The following DOLPP1 variants were observed in gnomAD, a reference collection of about 807,000 sequenced individuals.
The protein encoded by DOLPP1 is dolichyldiphosphatase 1.
A neutral mutation model predicts 34.1 loss-of-function variants in DOLPP1; 15 were observed. The observed-to-expected ratio is 0.44, with a 90% CI of 0.29 to 0.68. DOLPP1 has a LOEUF of 0.68. DOLPP1 is among the 30% of genes least tolerant of loss of function. The pLI, the probability that DOLPP1 is intolerant of heterozygous loss-of-function variation, is 0.12. For synonymous variants in DOLPP1, 130 were observed against 128.2 expected (o/e 1.01, Z -0.10); for missense variants, 249 against 307.1 (o/e 0.81, Z 1.41).
intron 7 of DOLPP1, among the ~76,000 whole-genome samples, chr9:129,088,746 G>A (rs1234416900): frequency 6.6e-6 from 1 of 152,162 alleles, no homozygotes; most frequent in African/African-American, 2.4e-5. Context: ...TCCACTTCTG[G>A]GATTGCAGAG....
chr9:129,087,585 G>A (rs1486050660), intron 7 of DOLPP1, among the ~76,000 whole-genome samples: 1 of 152,114 alleles, frequency 6.6e-6, no homozygotes, highest in East Asian at 1.9e-4. Context: ...CAAAGTGCTG[G>A]GATTACAGGT....
Position 129,084,687 on chromosome 9 carries a change from C to T in DOLPP1, c.96C>T (p.Leu32=), listed in dbSNP as rs1380832776. 6.2e-7 allele frequency: 1 copy of T among 1,613,524 alleles called. No individual in the cohort carries two copies. Among genetic ancestry groups the T allele is most frequent in the Admixed American group, 1.7e-5 (1 of 60,010 alleles). Residue 32 remains leucine (L), a synonymous_variant, in exon 2 of 8, where the codon CTC becomes CTT. Coordinates refer to ENST00000372546, the MANE Select transcript of DOLPP1 (RefSeq NM_020438.5). ...TGCCAGGTGATCTCTCTGGCCACCT[C>T]CTTGCCTACCTGAGCCTCAGCCCTG... ...EYPAGDLSGH[L]LAYLSLSPVF...
At position 129,085,674 on chromosome 9, in the gene DOLPP1, C is replaced by T; in HGVS notation, c.461+58C>T. The T allele has an allele frequency of 6.9e-7, 1 of 1,446,854 alleles. No individual in the cohort carries two copies. The highest frequency in any genetic ancestry group is 9.5e-7 in the Non-Finnish European group (1 of 1,051,602). The allele number at this position is 1,446,854 out of a possible 1,614,324, so 89.6% of individuals were successfully genotyped here. On this transcript the variant is annotated intron_variant, in intron 5 of 7. Coordinates refer to ENST00000372546, the MANE Select transcript of DOLPP1 (RefSeq NM_020438.5). The surrounding 1 kb of genome is among the most constrained non-coding windows in gnomAD (Gnocchi z 7.0). ...TGCCCATGTGGGGTCCTGCTGGTTC[C>T]TGGTCCCTGTCGGACCCCACCATGG...
In DOLPP1 at chr9:129,085,005, A is replaced by G. The variant is rs1199996671; in HGVS notation, c.178-18A>G. 6.4e-6 allele frequency: 10 copies of G among 1,552,998 alleles called. No homozygotes were observed. The East Asian group carries it at 1.8e-4, about 28-fold the overall frequency. ...CAGGTGCACAGAGGCCCAGCTGACC[A>G]TGCGTCTTCCCCAGCAGATCTCCTT... On this transcript the variant is annotated intron_variant, in intron 2 of 7. Transcript: ENST00000372546. The surrounding 1 kb of genome is among the most constrained non-coding windows in gnomAD (Gnocchi z 7.0).
In DOLPP1 at chr9:129,085,353, A is replaced by G. The variant is rs1267949038; in HGVS notation, c.362+47A>G. On this transcript the variant is annotated intron_variant, in intron 4 of 7. Coordinates refer to ENST00000372546, the MANE Select transcript of DOLPP1 (RefSeq NM_020438.5). This position sits in a 1 kb window ranked among gnomAD's most constrained non-coding sequence, Gnocchi z 7.0. ...GATGGCCCTGAACTTGCTCAGGCCG[A>G]GTTCTGCTAGGGACTCACTGCTAGC... 1 of 1,577,524 alleles carries G rather than the reference A, an allele frequency of 6.3e-7. No homozygotes were observed. The highest frequency in any genetic ancestry group is 1.1e-5 in the South Asian group (1 of 90,218).
chr9:129,088,974 C>T lies in DOLPP1; in HGVS notation c.684C>T (p.Asn228=). 2 of 1,613,856 alleles carry T rather than the reference C, an allele frequency of 1.2e-6. No individual in the cohort carries two copies. Among genetic ancestry groups the T allele is most frequent in the Non-Finnish European group, 1.7e-6 (2 of 1,179,956 alleles). The change falls in exon 8 of 8, where the codon AAC becomes AAT. Residue 228 remains asparagine (N), a synonymous_variant. Transcript: ENST00000372546. ...EYTVTRAEAR[N]RQRKLGTKLQ is the part of the protein sequence containing the mutation. ...TGACCCCCATCCTGTTTTGCAGGAA[C>T]AGACAACGCAAGCTGGGGACGAAAC...
chr9:129,082,963 C>T (rs1007627114), intron 1 of DOLPP1, among the ~76,000 whole-genome samples: 1 of 151,912 alleles, frequency 6.6e-6, no homozygotes, highest in East Asian at 1.9e-4. Flanking sequence ...TTTTTTTTGC[C>T]ACTGTGGTGG....
At chr9:129,084,060 G>A (rs910197706) in intron 1 of DOLPP1, among the ~76,000 whole-genome samples, 4 of 152,376 alleles carry the variant, frequency 2.6e-5, no homozygotes, top group Admixed American at 6.5e-5. Flanking sequence ...GAAGTGGCGC[G>A]CAGCTGTTAC....
chr9:129,088,965 T>C lies in DOLPP1; in HGVS notation c.681-6T>C. ...CTCCACATCTGACCCCCATCCTGTT[T>C]TGCAGGAACAGACAACGCAAGCTGG... On this transcript the variant is annotated splice_polypyrimidine_tract_variant and splice_region_variant and intron_variant, in intron 7 of 7. Coordinates refer to ENST00000372546, the MANE Select transcript of DOLPP1 (RefSeq NM_020438.5). 2 of 1,613,740 alleles carry C rather than the reference T, an allele frequency of 1.2e-6. No homozygotes were observed. The highest frequency in any genetic ancestry group is 1.7e-6 in the Non-Finnish European group (2 of 1,179,914).
At chr9:129,087,338 C>T (rs557147037) in intron 7 of DOLPP1, among the ~76,000 whole-genome samples, 11 of 131,814 alleles carry the variant, frequency 8.3e-5, no homozygotes, top group East Asian at 4.5e-4. Context: ...TTTTTTGAGA[C>T]GGAGTCTCGC....
In DOLPP1 at chr9:129,087,378, C is replaced by T. The variant is rs1220899348; in HGVS notation, c.680+580C>T. Among the ~76,000 whole-genome samples the T allele has an allele frequency of 1.1e-4, 17 of 149,694 alleles. No individual in the cohort carries two copies. The East Asian group carries it at 1.2e-3, about 10-fold the overall frequency. On this transcript the variant is annotated intron_variant, in intron 7 of 7. Coordinates refer to ENST00000372546, the MANE Select transcript of DOLPP1 (RefSeq NM_020438.5). ...TCGCCCAGGCTGGAGTGCAGTGGCGCGATCTCGGCTCACTGCAACCTCTGC... is the reference window on the plus strand; with the variant it reads ...TCGCCCAGGCTGGAGTGCAGTGGCGTGATCTCGGCTCACTGCAACCTCTGC...
In DOLPP1 at chr9:129,089,809, T is replaced by A. The variant is rs187426365; in HGVS notation, c.*802T>A. 2.6e-4 allele frequency: 39 copies of A among 152,724 alleles called. No homozygotes were observed. The highest frequency in any genetic ancestry group is 2.1e-4 in the Non-Finnish European group (14 of 68,032). The allele number at this position is 152,724 out of a possible 1,614,324, so 9.5% of individuals were successfully genotyped here. Reference sequence around the variant, plus strand: ...AGCTCTTTCTTGTCCTGCCATCCAGTAGCAGTTAGTCTTCATCCCCACGTG... The same window carrying A: ...AGCTCTTTCTTGTCCTGCCATCCAGAAGCAGTTAGTCTTCATCCCCACGTG... On this transcript the variant is annotated 3_prime_UTR_variant, in exon 8 of 8. Transcript: ENST00000372546. The surrounding 1 kb of genome is among the most constrained non-coding windows in gnomAD (Gnocchi z 4.9).
At chr9:129,083,692 C>T (rs1846931628) in intron 1 of DOLPP1, among the ~76,000 whole-genome samples, 1 of 152,184 alleles carries the variant, frequency 6.6e-6, no homozygotes, top group South Asian at 2.1e-4. Flanking sequence ...TTGCCAGGGA[C>T]CAAGCTGGGT....
Position 129,086,711 on chromosome 9 carries a change from C to T in DOLPP1, c.593C>T (p.Pro198Leu). ...TPLFPRIAAWPVSEFFLIRDT... is the reference protein window; with the variant it reads ...TPLFPRIAAWLVSEFFLIRDT... ...CTCTCTGATGTCTGTCTCTCCAGGC[C>T]TGTCTCCGAGTTCTTCCTAATCCGA... Residue 198 changes from proline to leucine, a missense_variant and splice_region_variant, in exon 7 of 8, where the codon CCT becomes CTT. Coordinates refer to ENST00000372546, the MANE Select transcript of DOLPP1 (RefSeq NM_020438.5). 2 of 1,613,848 alleles carry T rather than the reference C, an allele frequency of 1.2e-6. No homozygotes were observed. Among genetic ancestry groups the T allele is most frequent in the Non-Finnish European group, 1.7e-6 (2 of 1,179,916 alleles).
intron 2 of DOLPP1, 23 bp downstream of exon 2, chr9:129,084,791 C>CAG: frequency 1.3e-6 from 2 of 1,531,484 alleles, no homozygotes; most frequent in Non-Finnish European, 1.8e-6. Flanking sequence ...TGCCCACACC[C>CAG]TCCCCACCCC....
chr9:129,085,536 C>T lies in DOLPP1; in HGVS notation c.381C>T (p.Asn127=), dbSNP rs745648840. ...TTCGCAGAATGCACCAAACAAACAA[C>T]GCCAGGTTCCTGGACTTGCTGTGGA... ...FLYLRMHQTN[N]ARFLDLLWRH... The change falls in exon 5 of 8, where the codon AAC becomes AAT. Residue 127 remains asparagine (N), a synonymous_variant. Transcript: ENST00000372546. This position sits in a 1 kb window ranked among gnomAD's most constrained non-coding sequence, Gnocchi z 7.0. The T allele has an allele frequency of 8.7e-6, 14 of 1,613,576 alleles. No individual in the cohort carries two copies. The highest frequency in any genetic ancestry group is 4.4e-5 in the South Asian group (4 of 91,078).
rs778185978 is a variant in DOLPP1 at position 129,086,242 on chromosome 9, C to G, written c.565C>G (p.Pro189Ala). ...WFIFTQEVLT[P>A]LFPRIAAWPV... is the part of the protein sequence containing the mutation. ...CATCTTCACCCAGGAGGTCCTCACC[C>G]CGCTGTTCCCCAGGATAGCAGCCTG... Residue 189 changes from proline to alanine, a missense_variant, in exon 6 of 8, where the codon CCG (proline) becomes GCG (alanine). Transcript: ENST00000372546. The G allele has an allele frequency of 4.0e-5, 64 of 1,613,314 alleles. No homozygotes were observed. The highest frequency in any genetic ancestry group is 5.2e-5 in the Non-Finnish European group (61 of 1,179,958).
chr9:129,081,389 A>T (rs188457959), intron 1 of DOLPP1, among the ~76,000 whole-genome samples, 182 bp downstream of exon 1: 1 of 152,158 alleles, frequency 6.6e-6, no homozygotes, highest in African/African-American at 2.4e-5. Flanking sequence ...TGCGAGGATG[A>T]GCTGGGCGAA....
At position 129,085,359 on chromosome 9, in the gene DOLPP1, G is replaced by A; in HGVS notation, c.362+53G>A. The stretch of plus-strand genomic sequence containing the variant: ...CCTGAACTTGCTCAGGCCGAGTTCT[G>A]CTAGGGACTCACTGCTAGCCCTTTG... On this transcript the variant is annotated intron_variant, in intron 4 of 7. Coordinates refer to ENST00000372546, the MANE Select transcript of DOLPP1 (RefSeq NM_020438.5). The surrounding 1 kb of genome is among the most constrained non-coding windows in gnomAD (Gnocchi z 7.0). 6.4e-7 allele frequency: 1 copy of A among 1,570,284 alleles called. No homozygotes were observed. Among genetic ancestry groups the A allele is most frequent in the South Asian group, 1.1e-5 (1 of 90,044 alleles).
Sources: gnomAD v4.1 joint callset for allele counts (sites outside exome capture counted in the v4.1 genomes callset) on GRCh38, gnomAD v4.1.1 for gene constraint, Gnocchi (gnomAD v3.1) non-coding constraint, MANE v1.5 for transcripts, NCBI Gene and HGNC (gene_info 2026-07-23, HGNC 2026-07-21) for gene names.